Variants in MYO16 observed in about 807,000 individuals in gnomAD.
MYO16 encodes the protein unconventional myosin-XVI.
In MYO16, 94 loss-of-function variants were observed where a neutral mutation model predicts 205.3. The ratio of observed to expected loss-of-function variants is 0.46; its 90% CI spans 0.39 to 0.54. MYO16 has a LOEUF of 0.54. Among genes scored for constraint, MYO16 ranks in the 20% least tolerant of loss-of-function variants. The probability of loss-of-function intolerance (pLI) is 0.00; values close to 1 mark genes in which losing one functional copy is unlikely to be tolerated. For synonymous variants in MYO16, 988 were observed against 954.0 expected, an observed-to-expected ratio of 1.04 and a Z score of -0.66; for missense variants, 2,315 against 2,387.5, an observed-to-expected ratio of 0.97 and a Z score of 0.63.
chr13:109,157,368 C>G (rs183680305), intron 32 of MYO16, among the ~76,000 whole-genome samples: 5 of 152,000 alleles, frequency 3.3e-5, no homozygotes, highest in Admixed American at 3.3e-4. Context: ...CTTCCCGGTG[C>G]GGAGGTGTGG....
rs139376061 is a variant in MYO16 at position 109,173,621 on chromosome 13, C to T, written c.5324-5921C>T. On this transcript the variant is annotated intron_variant, in intron 33 of 34. Coordinates refer to ENST00000457511, the MANE Select transcript of MYO16 (RefSeq NM_001198950.3). ...CAATTTAAAGAGTGTCTCGGCCGGG[C>T]GCGGTGGCTCACGCCTGTAACCCCA... 6.4e-3 allele frequency among the ~76,000 whole-genome samples: 975 copies of T among 152,084 alleles called. 2 individuals carry two copies. Among genetic ancestry groups the T allele is most frequent in the Non-Finnish European group, 0.01 (683 of 67,986 alleles).
At chr13:108,563,728 T>C in the MYO16 span, among the ~76,000 whole-genome samples, 6 of 152,226 alleles carry the variant, frequency 3.9e-5, no homozygotes, top group African/African-American at 1.4e-4. Context: ...ACATTTTCTT[T>C]ACCCATTCAT....
chr13:108,949,460 TTAAA>T (rs1417748220), intron 16 of MYO16, among the ~76,000 whole-genome samples: 2 of 152,130 alleles, frequency 1.3e-5, no homozygotes, highest in Admixed American at 1.3e-4. Context: ...TCCAGGAAAA[TTAAA>T]TACTTAAGTA....
At chr13:108,788,691 T>C (rs1480324341) in intron 5 of MYO16, among the ~76,000 whole-genome samples, 1 of 152,234 alleles carries the variant, frequency 6.6e-6, no homozygotes, top group Non-Finnish European at 1.5e-5. Context: ...GTTCAGTTTC[T>C]AAACCTACAA....
intron 3 of MYO16, among the ~76,000 whole-genome samples, chr13:108,715,138 T>C (rs1348667034): frequency 6.6e-6 from 1 of 152,210 alleles, no homozygotes; most frequent in African/African-American, 2.4e-5. Context: ...CTCCAGTCAC[T>C]TTCCCTCTGC....
At chr13:108,516,466 G>A in the MYO16 span, among the ~76,000 whole-genome samples, 6 of 152,138 alleles carry the variant, frequency 3.9e-5, no homozygotes, top group African/African-American at 9.7e-5. Context: ...GCTGTAGACC[G>A]GAGCTGTTCC....
intron 24 of MYO16, among the ~76,000 whole-genome samples, chr13:109,049,976 G>GTATGTT (rs1215274290): frequency 1.6e-5 from 2 of 127,712 alleles, no homozygotes; most frequent in Admixed American, 1.6e-4. Context: ...GTGTGTGTGT[G>GTATGTT]TTTACTTTCT....
At chr13:108,965,035 G>A in intron 20 of MYO16, 133 bp downstream of exon 20, 1 of 975,530 alleles carries the variant, frequency 1.0e-6, no homozygotes, top group East Asian at 2.6e-5. Context: ...ATTTTAACAA[G>A]GTAATCTGAC....
intron 28 of MYO16, among the ~76,000 whole-genome samples, chr13:109,118,992 C>G (rs960649821): frequency 6.6e-6 from 1 of 152,160 alleles, no homozygotes; most frequent in African/African-American, 2.4e-5. Flanking sequence ...CCCCATTGAT[C>G]TAACTAATTA....
chr13:108,593,111 C>G (rs933790524), upstream of MYO16, among the ~76,000 whole-genome samples: 5 of 152,090 alleles, frequency 3.3e-5, no homozygotes, highest in Admixed American at 2.6e-4. Flanking sequence ...TGTGAGGGGC[C>G]TCTTTTCTCT....
chr13:108,976,310 A>G, intron 20 of MYO16, among the ~76,000 whole-genome samples: 1 of 152,156 alleles, frequency 6.6e-6, no homozygotes, highest in Non-Finnish European at 1.5e-5. Flanking sequence ...AATTGCTGTT[A>G]AACATTTGGA....
chr13:108,779,733 C>T (rs1055054618), intron 4 of MYO16: 12 of 152,182 alleles, frequency 7.9e-5, no homozygotes, highest in Admixed American at 3.3e-4. Context: ...TCCCACACGC[C>T]AGTGACAAGG....
the MYO16 span, among the ~76,000 whole-genome samples, chr13:108,586,611 A>G: frequency 2.2e-3 from 334 of 152,330 alleles, 2 homozygotes; most frequent in African/African-American, 7.5e-3. Context: ...TTGTCCATTC[A>G]AGGTAATCCT....
intron 5 of MYO16, among the ~76,000 whole-genome samples, chr13:108,788,299 C>T (rs1469643028): frequency 3.9e-5 from 6 of 152,074 alleles, no homozygotes; most frequent in Non-Finnish European, 7.4e-5. Context: ...CAATTAACCT[C>T]GGCTCACTGC....
chr13:109,138,465 T>G (rs1876880149), intron 31 of MYO16, among the ~76,000 whole-genome samples: 1 of 152,298 alleles, frequency 6.6e-6, no homozygotes, highest in East Asian at 1.9e-4. Context: ...GAAAAAGAAG[T>G]CTTGTGGAAT....
At chr13:108,856,577 T>C (rs1878182235) in intron 11 of MYO16, among the ~76,000 whole-genome samples, 1 of 152,248 alleles carries the variant, frequency 6.6e-6, no homozygotes, top group African/African-American at 2.4e-5. Context: ...TATCACCCTG[T>C]TACTTTTGTA....
intron 16 of MYO16, among the ~76,000 whole-genome samples, chr13:108,941,925 T>A (rs1394287067): frequency 2.0e-5 from 3 of 152,224 alleles, no homozygotes; most frequent in Non-Finnish European, 4.4e-5. Flanking sequence ...ATTATACTCC[T>A]TGACTCAAAG....
chr13:109,094,437 T>C (rs1389790370), intron 27 of MYO16, among the ~76,000 whole-genome samples: 2 of 152,106 alleles, frequency 1.3e-5, no homozygotes. Context: ...TCTCATACTC[T>C]TGGCCTCAAG....
intron 10 of MYO16, among the ~76,000 whole-genome samples, chr13:108,854,402 GA>G: frequency 6.6e-6 from 1 of 151,940 alleles, no homozygotes; most frequent in South Asian, 2.1e-4. Flanking sequence ...ACTAATATCA[GA>G]AAAAATAGTC....
Sources: gnomAD v4.1 joint callset for allele counts (sites outside exome capture counted in the v4.1 genomes callset) on GRCh38, gnomAD v4.1.1 for gene constraint, MANE v1.5 for transcripts, NCBI Gene and HGNC (gene_info 2026-07-23, HGNC 2026-07-21) for gene names.